DIAPH2: variants seen among roughly 807,000 people sequenced by gnomAD.
DIAPH2 encodes the protein diaphanous related formin 2.
A neutral mutation model predicts 92.7 loss-of-function variants in DIAPH2; 35 were observed. The ratio of observed to expected loss-of-function variants is 0.38; its 90% CI spans 0.29 to 0.50. The LOEUF is 0.50. Ranked by LOEUF, DIAPH2 falls within the 20% of genes least tolerant of loss-of-function variation. DIAPH2 has a pLI of 0.94. For synonymous variants in DIAPH2, 301 were observed against 280.4 expected, an observed-to-expected ratio of 1.07 and a Z score of -0.73; for missense variants, 701 against 819.5, an observed-to-expected ratio of 0.86 and a Z score of 1.77.
intron 26 of DIAPH2, among the ~76,000 whole-genome samples, chrX:97,495,054 C>G (rs1289891526): frequency 1.8e-5 from 2 of 112,509 alleles, no homozygotes; most frequent in African/African-American, 6.5e-5. Context: ...AAGGCTGGTA[C>G]ATTGGAAGCA....
intron 26 of DIAPH2, among the ~76,000 whole-genome samples, chrX:97,547,678 C>G (rs181192361): frequency 1.3e-3 from 148 of 112,135 alleles, no homozygotes; most frequent in Middle Eastern, 4.6e-3. Context: ...TTATGGCATT[C>G]CAACCTTTTC....
chrX:97,262,736 T>A lies in DIAPH2; in HGVS notation c.2844+14897T>A, dbSNP rs181965287. 5.8e-3 allele frequency among the ~76,000 whole-genome samples: 650 copies of A among 111,263 alleles called. 2 individuals carry two copies. The highest frequency in any genetic ancestry group is 0.02 in the African/African-American group (615 of 30,680). On this transcript the variant is annotated intron_variant, in intron 23 of 26. Coordinates refer to ENST00000324765, the MANE Select transcript of DIAPH2 (RefSeq NM_006729.5). ...GGAAGGTACACATTAAAGACAGAAA[T>A]CTAGGAGCCATCGCCATGGAAATTG...
chrX:97,456,715 C>A (rs1219503520), intron 26 of DIAPH2, among the ~76,000 whole-genome samples: 1 of 110,831 alleles, frequency 9.0e-6, no homozygotes, highest in Non-Finnish European at 1.9e-5. Context: ...TTGAAATTTT[C>A]AAGTATATAC....
chrX:97,247,909 GGTTA>G, intron 23 of DIAPH2, 70 bp downstream of exon 23: 4 of 1,004,558 alleles, frequency 4.0e-6, no homozygotes, highest in Non-Finnish European at 5.4e-6. Flanking sequence ...CTAACTGTGT[GGTTA>G]GTTCTAGATT....
At chrX:96,713,275 A>G (rs1444479770) in intron 1 of DIAPH2, among the ~76,000 whole-genome samples, 2 of 111,385 alleles carry the variant, frequency 1.8e-5, no homozygotes, top group Non-Finnish European at 3.8e-5. Flanking sequence ...AGCAGTGTCA[A>G]CCTAACCTCC....
rs781371434 is a variant in DIAPH2, at chrX:97,398,073, G to A, written c.3145+14029G>A. On this transcript the variant is annotated intron_variant, in intron 25 of 26. Transcript: ENST00000324765. Reference sequence around the variant, plus strand: ...ATGTCTCAGGACAGAGTGCTTAACCGACCTCATTCTACTGAACTTCAGCAT... The same window carrying A: ...ATGTCTCAGGACAGAGTGCTTAACCAACCTCATTCTACTGAACTTCAGCAT... 4.5e-5 allele frequency among the ~76,000 whole-genome samples: 5 copies of A among 111,992 alleles called. No individual in the cohort carries two copies. In the East Asian group the frequency reaches 1.1e-3, roughly 25 times the overall value.
chrX:97,158,254 A>G (rs2067339307), intron 22 of DIAPH2, among the ~76,000 whole-genome samples: 1 of 112,478 alleles, frequency 8.9e-6, no homozygotes, highest in East Asian at 2.8e-4. Context: ...CAAATATCTG[A>G]GATCAAAGGA....
chrX:97,179,937 A>G (rs191737244), intron 22 of DIAPH2, among the ~76,000 whole-genome samples: 44 of 111,888 alleles, frequency 3.9e-4, no homozygotes, highest in African/African-American at 1.4e-3. Context: ...CTTATTCACT[A>G]CCATGAGAAC....
rs1242797801 is a variant in DIAPH2, at chrX:96,751,645, GTGTTT to G, written c.343-6502_343-6498del. Among the ~76,000 whole-genome samples the G allele has an allele frequency of 2.6e-4, 24 of 90,758 alleles. 4 individuals carry two copies. The East Asian group carries it at 5.9e-3, about 22-fold the overall frequency. 78.8% of individuals were successfully genotyped at this position (90,758 alleles called of 115,157 possible). A position where few individuals can be genotyped will look rare whatever the true frequency, so the allele number is the denominator to read the frequency against. Reference sequence around the variant, plus strand: ...ATTATAAATGGTCAACTAGACTTCAGTGTTTTGTTTTTTTTTTTTTTTTTTTGAGA... The same window carrying G: ...ATTATAAATGGTCAACTAGACTTCAGTGTTTTTTTTTTTTTTTTTTTGAGA... On this transcript the variant is annotated intron_variant, in intron 3 of 26. Transcript: ENST00000324765.
At chrX:97,484,837 C>T (rs1361579736) in intron 26 of DIAPH2, among the ~76,000 whole-genome samples, 4 of 110,906 alleles carry the variant, frequency 3.6e-5, no homozygotes, top group Admixed American at 1.9e-4. Context: ...GCGGAGGTTG[C>T]GGTGAGCGAT....
intron 4 of DIAPH2, among the ~76,000 whole-genome samples, chrX:96,823,431 G>A (rs1220119696): frequency 9.0e-6 from 1 of 111,010 alleles, no homozygotes; most frequent in Non-Finnish European, 1.9e-5. Flanking sequence ...TGATAAAGCA[G>A]AATGTAAAAG....
At chrX:96,840,948 A>G (rs184434496) in intron 4 of DIAPH2, among the ~76,000 whole-genome samples, 2 of 111,527 alleles carry the variant, frequency 1.8e-5, no homozygotes, top group African/African-American at 6.5e-5. Flanking sequence ...CTTCTCTTCT[A>G]GTTTTGGATA....
chrX:96,685,091 G>A lies in DIAPH2; in HGVS notation c.33G>A (p.Ala11=). 9.9e-7 allele frequency: 1 copy of A among 1,011,470 alleles called. No homozygotes were observed. Among genetic ancestry groups the A allele is most frequent in the Non-Finnish European group, 1.3e-6 (1 of 792,926 alleles). The allele number at this position is 1,011,470 out of a possible 1,213,427, so 83.4% of individuals were successfully genotyped here. Residue 11 remains alanine, a synonymous_variant, in exon 1 of 27, where the codon GCG becomes GCA. Coordinates refer to ENST00000324765, the MANE Select transcript of DIAPH2 (RefSeq NM_006729.5). The stretch of plus-strand genomic sequence containing the variant: ...AGCCCGGGGCGGCGGCGTCGGGAGC[G>A]GGAGGCGGCAGCGAGGAACCCGGTG... MEQPGAAASG[A]GGGSEEPGGG... is the part of the protein sequence containing the mutation.
chrX:97,433,307 T>G (rs749344444), intron 26 of DIAPH2, among the ~76,000 whole-genome samples: 9 of 110,444 alleles, frequency 8.1e-5, no homozygotes, highest in South Asian at 7.8e-4. Context: ...GCTCAGGAGT[T>G]TGAGGACAGC....
intron 26 of DIAPH2, chrX:97,528,926 A>G: frequency 9.1e-6 from 1 of 110,405 alleles, no homozygotes; most frequent in East Asian, 2.9e-4. Context: ...ATATATATAT[A>G]TGCTGGACAT....
chrX:97,368,081 A>T, intron 24 of DIAPH2, among the ~76,000 whole-genome samples: 1 of 112,457 alleles, frequency 8.9e-6, no homozygotes, highest in South Asian at 3.7e-4. Context: ...CAGCTAACTA[A>T]TCTTTCAAAT....
At chrX:96,812,665 T>C (rs1208022021) in intron 4 of DIAPH2, among the ~76,000 whole-genome samples, 1 of 112,151 alleles carries the variant, frequency 8.9e-6, no homozygotes, top group Non-Finnish European at 1.9e-5. Context: ...TTTAGTGCTA[T>C]AAATTTCCCT....
intron 4 of DIAPH2, among the ~76,000 whole-genome samples, chrX:96,853,427 A>G (rs1388234919): frequency 8.9e-6 from 1 of 111,812 alleles, no homozygotes; most frequent in African/African-American, 3.2e-5. Flanking sequence ...TATAGCTCAC[A>G]TCCCTATTCT....
At chrX:97,183,025 T>C (rs2067552333) in intron 22 of DIAPH2, among the ~76,000 whole-genome samples, 1 of 111,455 alleles carries the variant, frequency 9.0e-6, no homozygotes, top group African/African-American at 3.3e-5. Flanking sequence ...AATATAGAAA[T>C]AAGAGTTATC....
Sources: gnomAD v4.1 joint callset for allele counts (sites outside exome capture counted in the v4.1 genomes callset) on GRCh38, gnomAD v4.1.1 for gene constraint, MANE v1.5 for transcripts, NCBI Gene and HGNC (gene_info 2026-07-23, HGNC 2026-07-21) for gene names.